Variants in SNX25 observed in about 807,000 individuals in gnomAD.
The protein encoded by SNX25 is sorting nexin-25.
A neutral mutation model predicts 113.7 loss-of-function variants in SNX25; 62 were observed. The ratio of observed to expected loss-of-function variants is 0.55; its 90% CI spans 0.44 to 0.67. The LOEUF (loss-of-function observed/expected upper bound fraction) is 0.67. Ranked by LOEUF, SNX25 falls within the 30% of genes least tolerant of loss-of-function variation. The probability of loss-of-function intolerance (pLI) is 0.00; values close to 1 mark genes in which losing one functional copy is unlikely to be tolerated. For missense variants in SNX25, 1,014 were observed against 1,161.0 expected (o/e 0.87, Z 1.84); for synonymous variants, 421 against 436.2 (o/e 0.97, Z 0.43).
intron 1 of SNX25, among the ~76,000 whole-genome samples, chr4:185,228,523 G>A (rs541632394): frequency 6.6e-6 from 1 of 152,190 alleles, no homozygotes; most frequent in South Asian, 2.1e-4. Context: ...AACGTGTAGA[G>A]GATAATTTTT....
At position 185,310,737 on chromosome 4, in the gene SNX25, T is replaced by G; in HGVS notation, c.1265T>G (p.Ile422Ser). ...TVAKKQCEKR[I>S]RILGGPAYDQ... ...GCAAAGAAGCAGTGTGAGAAGAGAATCCGAATCCTGGGAGGCCCTGCCTAT... is the reference window on the plus strand; with the variant it reads ...GCAAAGAAGCAGTGTGAGAAGAGAAGCCGAATCCTGGGAGGCCCTGCCTAT... The change falls in exon 7 of 19, where the codon ATC (isoleucine) becomes AGC (serine). Residue 422 changes from isoleucine to serine, a missense_variant. By Grantham distance (142) the Ile-to-Ser change is moderately radical. Coordinates refer to ENST00000652585, the MANE Select transcript of SNX25 (RefSeq NM_001378034.2). 1 of 1,613,936 alleles carries G rather than the reference T, an allele frequency of 6.2e-7. No individual in the cohort carries two copies. Among genetic ancestry groups the G allele is most frequent in the Non-Finnish European group, 8.5e-7 (1 of 1,179,924 alleles).
At chr4:185,308,388 A>C (rs2126659056) in intron 6 of SNX25, among the ~76,000 whole-genome samples, 1 of 152,114 alleles carries the variant, frequency 6.6e-6, no homozygotes, top group African/African-American at 2.4e-5. Context: ...CTGATTGCAG[A>C]CTCTTCTGAA....
chr4:185,260,054 G>A (rs190402429), intron 3 of SNX25, among the ~76,000 whole-genome samples: 122 of 152,212 alleles, frequency 8.0e-4, no homozygotes, highest in African/African-American at 2.7e-3. Context: ...ACTATGGCCC[G>A]CTGTGAGAAA....
rs1749694516 is a variant in SNX25 at position 185,276,465 on chromosome 4, A to G, written c.1091+9310A>G. Among the ~76,000 whole-genome samples the G allele has an allele frequency of 2.0e-5, 3 of 152,348 alleles. No homozygotes were observed. In the South Asian group the frequency reaches 6.2e-4, roughly 32 times the overall value. The stretch of plus-strand genomic sequence containing the variant: ...CGAGGTCGGAACCGTTTTAAAGCCA[A>G]AGAATAAAACAAACAAGACCAAAAT... On this transcript the variant is annotated intron_variant, in intron 5 of 18. Transcript: ENST00000652585.
intron 5 of SNX25, among the ~76,000 whole-genome samples, chr4:185,276,989 G>A (rs1442887793): frequency 2.6e-5 from 4 of 152,186 alleles, no homozygotes; most frequent in African/African-American, 4.8e-5. Context: ...ATGGAATGAA[G>A]CATCAAGAGT....
intron 1 of SNX25, among the ~76,000 whole-genome samples, chr4:185,243,294 C>T (rs1230538561): frequency 2.6e-5 from 4 of 152,156 alleles, no homozygotes; most frequent in Non-Finnish European, 5.9e-5. Flanking sequence ...CCATCTATCT[C>T]CATAACTCTT....
chr4:185,213,538 C>T (rs929265209), intron 1 of SNX25, among the ~76,000 whole-genome samples: 8 of 152,134 alleles, frequency 5.3e-5, no homozygotes, highest in Admixed American at 4.6e-4. Context: ...CTAGGGCCAG[C>T]CTGCTGTTGG....
At chr4:185,329,410 C>A (rs1402809111) in intron 9 of SNX25, among the ~76,000 whole-genome samples, 1 of 152,052 alleles carries the variant, frequency 6.6e-6, no homozygotes, top group African/African-American at 2.4e-5. Context: ...TTGTTCCAGG[C>A]ATCCCCAGAC....
In SNX25 at chr4:185,269,545, C is replaced by A. The variant is rs940632668; in HGVS notation, c.1091+2390C>A. Among the ~76,000 whole-genome samples, 5 of 152,142 alleles carry A rather than the reference C, an allele frequency of 3.3e-5. No homozygotes were observed. The East Asian group carries it at 9.6e-4, about 29-fold the overall frequency. On this transcript the variant is annotated intron_variant, in intron 5 of 18. Coordinates refer to ENST00000652585, the MANE Select transcript of SNX25 (RefSeq NM_001378034.2). ...AAGGCAGGTGTGGACTATTTGGTAA[C>A]CCCAAGTGAGTTTAAGATAACAATC... is the stretch of plus-strand genomic sequence containing the variant.
chr4:185,301,738 C>T (rs571989485), intron 6 of SNX25, among the ~76,000 whole-genome samples: 18 of 152,004 alleles, frequency 1.2e-4, no homozygotes, highest in African/African-American at 4.3e-4. Flanking sequence ...AGGCATGCGC[C>T]AGCACGCTCG....
intron 3 of SNX25, among the ~76,000 whole-genome samples, chr4:185,261,915 C>A (rs1486706346): frequency 6.6e-6 from 1 of 152,128 alleles, no homozygotes. Context: ...ATGATTGTGT[C>A]CTGGAGAACT....
intron 9 of SNX25, among the ~76,000 whole-genome samples, chr4:185,331,578 C>T (rs1188163740): frequency 2.0e-5 from 3 of 152,016 alleles, no homozygotes; most frequent in African/African-American, 4.8e-5. Flanking sequence ...GTCAGGAGTT[C>T]GAGACCAGCC....
chr4:185,375,665 G>C, the SNX25 span: 4 of 1,612,150 alleles, frequency 2.5e-6, no homozygotes, highest in African/African-American at 5.4e-5. Context: ...TAGCTGGTAA[G>C]TTGCTTGATG....
At chr4:185,282,510 C>T (rs889881879) in intron 5 of SNX25, among the ~76,000 whole-genome samples, 3 of 152,130 alleles carry the variant, frequency 2.0e-5, no homozygotes, top group Non-Finnish European at 2.9e-5. Context: ...TGAAGTGCTG[C>T]GTAGCATTTC....
intron 1 of SNX25, among the ~76,000 whole-genome samples, chr4:185,211,087 C>G (rs1005783580): frequency 4.6e-5 from 7 of 152,120 alleles, no homozygotes; most frequent in Admixed American, 1.3e-4. Flanking sequence ...ATTGCCCAAG[C>G]GCTTTGGGGT....
downstream of SNX25, among the ~76,000 whole-genome samples, chr4:185,373,606 A>G (rs1291957860): frequency 1.3e-5 from 2 of 152,240 alleles, no homozygotes; most frequent in African/African-American, 4.8e-5. Context: ...CTGCTTATCT[A>G]TCCAAAGATG....
rs533902546 is a variant in SNX25 at position 185,296,677 on chromosome 4, A to G, written c.1162+8595A>G. ...ACCAGCTAAGTCAGGTCTTTGTCCT[A>G]TGGGCAACAAAATTACATTAGGTAT... is the stretch of plus-strand genomic sequence containing the variant. On this transcript the variant is annotated intron_variant, in intron 6 of 18. Coordinates refer to ENST00000652585, the MANE Select transcript of SNX25 (RefSeq NM_001378034.2). Among the ~76,000 whole-genome samples, 435 of 152,286 alleles carry G rather than the reference A, an allele frequency of 2.9e-3. 1 individual carries two copies. Among genetic ancestry groups the G allele is most frequent in the African/African-American group, 9.4e-3 (390 of 41,572 alleles).
At chr4:185,233,283 T>TA (rs70962558) in intron 1 of SNX25, among the ~76,000 whole-genome samples, 60 of 146,096 alleles carry the variant, frequency 4.1e-4, no homozygotes, top group African/African-American at 6.6e-4. Context: ...AGACTTAGTC[T>TA]AAAAAAAAAA....
chr4:185,348,988 C>G (rs1470055525), intron 13 of SNX25, among the ~76,000 whole-genome samples: 1 of 152,132 alleles, frequency 6.6e-6, no homozygotes, highest in East Asian at 1.9e-4. Context: ...CTGTTTCACT[C>G]AACTTATGTC....
Sources: allele counts gnomAD v4.1 joint callset (sites outside exome capture counted in the v4.1 genomes callset), GRCh38; gene constraint gnomAD v4.1.1; transcripts MANE v1.5; gene names NCBI Gene and HGNC (gene_info 2026-07-23, HGNC 2026-07-21).